VTCN1: variants seen among roughly 807,000 people sequenced by gnomAD.
VTCN1 encodes V-set domain containing T cell activation inhibitor 1.
In VTCN1, 26 loss-of-function variants were observed where a neutral mutation model predicts 26.5. The ratio of observed to expected loss-of-function variants is 0.98; its 90% confidence interval spans 0.72 to 1.36. The LOEUF is 1.36. Among genes scored for constraint, VTCN1 ranks in the 40% most tolerant of loss-of-function variants. VTCN1 has a pLI of 0.00. For missense variants in VTCN1, 298 were observed against 337.7 expected (o/e 0.88, Z 0.92); for synonymous variants, 116 against 130.7 (o/e 0.89, Z 0.77).
At chr1:117,184,479 T>A (rs1323719790) in intron 1 of VTCN1, among the ~76,000 whole-genome samples, 2 of 152,202 alleles carry the variant, frequency 1.3e-5, no homozygotes, top group East Asian at 3.9e-4. Context: ...TAGAAAGAAG[T>A]GACTTTAAGC....
chr1:117,173,773 G>A (rs1013008125), intron 1 of VTCN1, among the ~76,000 whole-genome samples: 2 of 152,216 alleles, frequency 1.3e-5, no homozygotes, highest in African/African-American at 4.8e-5. Flanking sequence ...ACTTTTACGG[G>A]AGGGGACCTG....
chr1:117,189,780 G>A (rs942217432), intron 1 of VTCN1, among the ~76,000 whole-genome samples: 53 of 152,132 alleles, frequency 3.5e-4, no homozygotes, highest in African/African-American at 1.3e-3. Context: ...CAGTAAAATG[G>A]GATAGGAGAT....
chr1:117,183,162 C>T lies in VTCN1; in HGVS notation c.33-12991G>A, dbSNP rs771625655. On this transcript the variant is annotated intron_variant, in intron 1 of 5. Transcript: ENST00000369458. The surrounding 1 kb of genome is among the most constrained non-coding windows in gnomAD (Gnocchi z 4.1). Reference sequence around the variant, plus strand: ...ACTACTTTCTCCCATCTCCCGTCACCTCCACACTCCATCCATTCTAAACCA... The same window carrying T: ...ACTACTTTCTCCCATCTCCCGTCACTTCCACACTCCATCCATTCTAAACCA... Among the ~76,000 whole-genome samples the T allele has an allele frequency of 1.3e-5, 2 of 152,152 alleles. No homozygotes were observed. The highest frequency in any genetic ancestry group is 2.9e-5 in the Non-Finnish European group (2 of 68,022).
intron 1 of VTCN1, among the ~76,000 whole-genome samples, chr1:117,180,826 C>G (rs953454593): frequency 1.9e-4 from 29 of 152,216 alleles, no homozygotes; most frequent in Admixed American, 5.2e-4. Flanking sequence ...CCTCCTCCAG[C>G]CCAGCCATAG....
intron 2 of VTCN1, among the ~76,000 whole-genome samples, chr1:117,163,871 C>G (rs1244025621): frequency 6.6e-6 from 1 of 152,144 alleles, no homozygotes; most frequent in Non-Finnish European, 1.5e-5. Context: ...TCAGATGACT[C>G]GAAGGTTTTT....
rs549036158 is a variant in VTCN1, at chr1:117,172,640, T to C, written c.33-2469A>G. ...TTACCTATTATAAAGGCTGCATGTG[T>C]CCCCCCCCACATTCACATGTTGAAG... On this transcript the variant is annotated intron_variant, in intron 1 of 5. Coordinates refer to ENST00000369458, the MANE Select transcript of VTCN1 (RefSeq NM_024626.4). Among the ~76,000 whole-genome samples the C allele has an allele frequency of 1.5e-3, 232 of 151,670 alleles. 2 individuals are homozygous for C. The highest frequency in any genetic ancestry group is 5.4e-3 in the African/African-American group (225 of 41,326).
chr1:117,207,495 G>A (rs1000477737), intron 1 of VTCN1, among the ~76,000 whole-genome samples: 3 of 151,792 alleles, frequency 2.0e-5, no homozygotes, highest in Admixed American at 1.3e-4. Flanking sequence ...TCAGCCATCC[G>A]TCCTGGCCCC....
Position 117,175,436 on chromosome 1 carries a change from A to G in VTCN1, c.33-5265T>C, listed in dbSNP as rs1647282016. Among the ~76,000 whole-genome samples the G allele has an allele frequency of 6.6e-6, 1 of 152,230 alleles. No homozygotes were observed. The highest frequency in any genetic ancestry group is 1.5e-5 in the Non-Finnish European group (1 of 68,036). ...AGCGGATGTGCAGCCTAGGACACGCAAGGGTAGGATGTACTTCTCTGGAGA... is the reference window on the plus strand; with the variant it reads ...AGCGGATGTGCAGCCTAGGACACGCGAGGGTAGGATGTACTTCTCTGGAGA... On this transcript the variant is annotated intron_variant, in intron 1 of 5. Transcript: ENST00000369458. The surrounding 1 kb of genome is among the most constrained non-coding windows in gnomAD (Gnocchi z 4.2).
intron 2 of VTCN1, 49 bp downstream of exon 2, chr1:117,170,058 T>C: frequency 6.4e-7 from 1 of 1,555,154 alleles, no homozygotes; most frequent in South Asian, 1.1e-5. Flanking sequence ...TGATTAGGAG[T>C]TTAATGGTGA....
At chr1:117,162,872 A>G (rs1652436680) in intron 2 of VTCN1, among the ~76,000 whole-genome samples, 1 of 152,216 alleles carries the variant, frequency 6.6e-6, no homozygotes, top group Non-Finnish European at 1.5e-5. Context: ...TACAGAAACT[A>G]TGATGCTGGG....
In VTCN1 at chr1:117,175,191, G is replaced by A. The variant is rs748823162; in HGVS notation, c.33-5020C>T. ...TCACAATAAAGGTAACAGGCCTTATGGGGGAAAATAGGCTTAAAGGCAGAG... is the reference window on the plus strand; with the variant it reads ...TCACAATAAAGGTAACAGGCCTTATAGGGGAAAATAGGCTTAAAGGCAGAG... On this transcript the variant is annotated intron_variant, in intron 1 of 5. Coordinates refer to ENST00000369458, the MANE Select transcript of VTCN1 (RefSeq NM_024626.4). The surrounding 1 kb of genome is among the most constrained non-coding windows in gnomAD (Gnocchi z 4.2). Among the ~76,000 whole-genome samples, 3 of 152,316 alleles carry A rather than the reference G, an allele frequency of 2.0e-5. No homozygotes were observed. The highest frequency in any genetic ancestry group is 7.2e-5 in the African/African-American group (3 of 41,578).
intron 2 of VTCN1, among the ~76,000 whole-genome samples, chr1:117,160,464 G>A (rs538118614): frequency 6.6e-6 from 1 of 152,272 alleles, no homozygotes; most frequent in African/African-American, 2.4e-5. Flanking sequence ...AGTACAATTT[G>A]AACATATCTG....
intron 1 of VTCN1, among the ~76,000 whole-genome samples, chr1:117,187,375 C>T (rs941348687): frequency 6.7e-6 from 1 of 149,678 alleles, no homozygotes; most frequent in African/African-American, 2.5e-5. Flanking sequence ...ACAGTATTAC[C>T]AAGAACCTAT....
intron 1 of VTCN1, among the ~76,000 whole-genome samples, chr1:117,178,920 C>A (rs1557870937): frequency 6.6e-6 from 1 of 152,018 alleles, no homozygotes; most frequent in African/African-American, 2.4e-5. Flanking sequence ...AGCACGTGGG[C>A]CCTGTGTATT....
chr1:117,178,259 C>CTTT (rs1194911017), intron 1 of VTCN1, among the ~76,000 whole-genome samples: 4 of 108,350 alleles, frequency 3.7e-5, no homozygotes, highest in Non-Finnish European at 3.9e-5. Context: ...TCTTTTTTTT[C>CTTT]TTTTTTTTTT....
intron 2 of VTCN1, among the ~76,000 whole-genome samples, chr1:117,163,080 C>T (rs1017666451): frequency 1.3e-5 from 2 of 152,208 alleles, no homozygotes; most frequent in Non-Finnish European, 2.9e-5. Context: ...AAAGCTTAAC[C>T]TTGGGGTCAA....
rs1651577917 is a variant in VTCN1, at chr1:117,147,628, C to T, written c.*30G>A. The T allele has an allele frequency of 6.2e-7, 1 of 1,609,516 alleles. No homozygotes were observed. The highest frequency in any genetic ancestry group is 1.7e-5 in the Admixed American group (1 of 58,712). ...TTAATCTCACCTGTTGTAACAATGA[C>T]TTTGCATGCTTTTTTGTGGCCGAGG... On this transcript the variant is annotated 3_prime_UTR_variant, in exon 5 of 6. Transcript: ENST00000369458. This position sits in a 1 kb window ranked among gnomAD's most constrained non-coding sequence, Gnocchi z 4.6.
chr1:117,148,602 G>A (rs1416495464), intron 4 of VTCN1, among the ~76,000 whole-genome samples: 4 of 152,128 alleles, frequency 2.6e-5, no homozygotes, highest in Non-Finnish European at 5.9e-5. Flanking sequence ...TAGATTTCCA[G>A]TTGCTGCTAG....
chr1:117,152,483 C>T (rs923491976), intron 4 of VTCN1, among the ~76,000 whole-genome samples: 1 of 152,130 alleles, frequency 6.6e-6, no homozygotes, highest in Non-Finnish European at 1.5e-5. Context: ...TGCACTAAAG[C>T]ACTGCAGGGA....
Sources: gnomAD v4.1 joint callset for allele counts (sites outside exome capture counted in the v4.1 genomes callset) on GRCh38, gnomAD v4.1.1 for gene constraint, Gnocchi (gnomAD v3.1) non-coding constraint, MANE v1.5 for transcripts, NCBI Gene and HGNC (gene_info 2026-07-23, HGNC 2026-07-21) for gene names.